TSPAN5: variants seen among roughly 807,000 people sequenced by gnomAD.
TSPAN5 encodes the protein tetraspanin-5.
Under a neutral mutation model 37.1 loss-of-function variants are expected in TSPAN5, and 10 were observed. The ratio of observed to expected loss-of-function variants is 0.27; its 90% CI spans 0.17 to 0.46. The LOEUF (loss-of-function observed/expected upper bound fraction) is 0.46, where lower values mean the gene tolerates loss of function less well. TSPAN5 is among the 20% of genes least tolerant of loss of function. TSPAN5 has a pLI of 1.00. For synonymous variants in TSPAN5, 110 were observed against 118.9 expected (o/e 0.93, Z 0.48); for missense variants, 195 against 326.6 (o/e 0.60, Z 3.11).
intron 1 of TSPAN5, among the ~76,000 whole-genome samples, chr4:98,641,179 T>A (rs1756956628): frequency 6.6e-6 from 1 of 152,126 alleles, no homozygotes; most frequent in Non-Finnish European, 1.5e-5. Flanking sequence ...TCTCCTACTA[T>A]CTGGAGCTCA....
At chr4:98,510,820 C>T (rs1263746904) in intron 1 of TSPAN5, among the ~76,000 whole-genome samples, 1 of 152,242 alleles carries the variant, frequency 6.6e-6, no homozygotes, top group Non-Finnish European at 1.5e-5. Flanking sequence ...TGGGCCTCAA[C>T]TTGATACATA....
intron 2 of TSPAN5, among the ~76,000 whole-genome samples, chr4:98,501,587 G>A (rs184528279): frequency 3.7e-3 from 568 of 152,332 alleles, no homozygotes; most frequent in Non-Finnish European, 5.3e-3. Flanking sequence ...CCAGGAAGTA[G>A]AAGATAGCAC....
chr4:98,569,569 A>G lies in TSPAN5; in HGVS notation c.82-61841T>C, dbSNP rs558949124. On this transcript the variant is annotated intron_variant, in intron 1 of 7. Transcript: ENST00000305798. The stretch of plus-strand genomic sequence containing the variant: ...AGCTAGCTCACAGGCTACAGACATA[A>G]GGTGACCAACAGTGTAAACTAGAGT... Among the ~76,000 whole-genome samples, 23 of 152,326 alleles carry G rather than the reference A, an allele frequency of 1.5e-4. No individual in the cohort carries two copies. The South Asian group carries it at 2.3e-3, about 15-fold the overall frequency.
At chr4:98,558,579 G>A (rs1251709514) in intron 1 of TSPAN5, among the ~76,000 whole-genome samples, 2 of 152,210 alleles carry the variant, frequency 1.3e-5, no homozygotes, top group Non-Finnish European at 2.9e-5. Flanking sequence ...GGCTGCTTTT[G>A]AGGCTCTTGA....
At chr4:98,520,934 G>A (rs1258330424) in intron 1 of TSPAN5, among the ~76,000 whole-genome samples, 1 of 150,952 alleles carries the variant, frequency 6.6e-6, no homozygotes, top group African/African-American at 2.4e-5. Context: ...ACACTTTTTT[G>A]GGGGGCAGGG....
At chr4:98,626,006 C>T (rs1756591038) in intron 1 of TSPAN5, among the ~76,000 whole-genome samples, 1 of 152,148 alleles carries the variant, frequency 6.6e-6, no homozygotes, top group Non-Finnish European at 1.5e-5. Flanking sequence ...TTTCCATAAA[C>T]CAATTATTCA....
intron 1 of TSPAN5, among the ~76,000 whole-genome samples, chr4:98,598,466 G>GT (rs369060559): frequency 0.061 from 9,038 of 148,046 alleles, 545 homozygotes; most frequent in South Asian, 0.15. Flanking sequence ...CCTCCCTCCT[G>GT]TTTTTTTTTT....
chr4:98,519,764 T>C (rs1753812625), intron 1 of TSPAN5, among the ~76,000 whole-genome samples: 1 of 152,208 alleles, frequency 6.6e-6, no homozygotes, highest in South Asian at 2.1e-4. Flanking sequence ...ATTCTGACTC[T>C]TGCACAAGGA....
At chr4:98,573,005 G>A (rs1755161050) in intron 1 of TSPAN5, among the ~76,000 whole-genome samples, 1 of 152,096 alleles carries the variant, frequency 6.6e-6, no homozygotes, top group African/African-American at 2.4e-5. Flanking sequence ...TTTCATCAAG[G>A]GCTGAACAAA....
intron 1 of TSPAN5, among the ~76,000 whole-genome samples, chr4:98,556,037 A>C (rs764788001): frequency 0.037 from 2,295 of 62,490 alleles, 61 homozygotes; most frequent in South Asian, 0.041. Flanking sequence ...CACACACAGC[A>C]CCCCCACACA....
rs762884063 is a variant in TSPAN5, at chr4:98,482,143, C to T, written c.312G>A (p.Leu104=). Reference sequence around the variant, plus strand: ...ATGCTAGAACTCCGGCAGTGAGCTCCAGGAAGAAAATAATTCCCAGGAACA... The same window carrying T: ...ATGCTAGAACTCCGGCAGTGAGCTCTAGGAAGAAAATAATTCCCAGGAACA... The part of the protein sequence containing the change: ...FSVFLGIIFF[L]ELTAGVLAFV... The change falls in exon 4 of 8, where the codon CTG becomes CTA. Residue 104 remains leucine (L), a synonymous_variant. Transcript: ENST00000305798. The T allele has an allele frequency of 5.6e-6, 9 of 1,613,882 alleles. No homozygotes were observed. The Admixed American group carries it at 1.2e-4, about 21-fold the overall frequency.
intron 1 of TSPAN5, among the ~76,000 whole-genome samples, chr4:98,530,254 A>T (rs1387095221): frequency 1.3e-5 from 2 of 152,254 alleles, no homozygotes; most frequent in Non-Finnish European, 2.9e-5. Context: ...AGAGATGCTC[A>T]GGGATGAAAT....
rs75942899 is a variant in TSPAN5, at chr4:98,610,167, G to A, written c.81+47979C>T. On this transcript the variant is annotated intron_variant, in intron 1 of 7. Transcript: ENST00000305798. ...TACGAAGGCTAGGAAACACAATACCGAGGAGCTGGCATTTGCAAAGGGCCT... is the reference window on the plus strand; with the variant it reads ...TACGAAGGCTAGGAAACACAATACCAAGGAGCTGGCATTTGCAAAGGGCCT... Among the ~76,000 whole-genome samples the A allele has an allele frequency of 7.9e-3, 1,197 of 152,242 alleles. 14 individuals carry two copies. Among genetic ancestry groups the A allele is most frequent in the African/African-American group, 0.027 (1,138 of 41,528 alleles).
At chr4:98,576,871 T>A (rs1422788671) in intron 1 of TSPAN5, among the ~76,000 whole-genome samples, 1 of 152,218 alleles carries the variant, frequency 6.6e-6, no homozygotes. Flanking sequence ...GTGATTCTCC[T>A]GCCTCAGCCT....
chr4:98,567,161 C>T (rs1534555), intron 1 of TSPAN5, among the ~76,000 whole-genome samples: 112,603 of 152,162 alleles, frequency 0.74, 41,957 homozygotes, highest in South Asian at 0.86. Context: ...TGGATCTTCT[C>T]GTAACCTGTT....
intron 1 of TSPAN5, among the ~76,000 whole-genome samples, chr4:98,592,629 T>A (rs1413119501): frequency 7.5e-6 from 1 of 133,074 alleles, no homozygotes; most frequent in Non-Finnish European, 1.6e-5. Flanking sequence ...ATATTCCCCT[T>A]CCTGTGTCCA....
At chr4:98,621,389 A>G (rs1191116146) in intron 1 of TSPAN5, among the ~76,000 whole-genome samples, 1 of 132,558 alleles carries the variant, frequency 7.5e-6, no homozygotes, top group Admixed American at 7.9e-5. Context: ...TTTTTTTGAG[A>G]CAGAGTCTCG....
intron 1 of TSPAN5, among the ~76,000 whole-genome samples, chr4:98,550,339 T>C (rs1754583054): frequency 6.6e-6 from 1 of 152,212 alleles, no homozygotes; most frequent in African/African-American, 2.4e-5. Context: ...TTTTTTCTTT[T>C]TGCTTAGGAT....
At chr4:98,634,722 AG>A (rs1275372701) in intron 1 of TSPAN5, among the ~76,000 whole-genome samples, 3 of 152,264 alleles carry the variant, frequency 2.0e-5, no homozygotes, top group African/African-American at 7.2e-5. Context: ...GAAGGATCTG[AG>A]AAACGATAGC....
Sources: allele counts gnomAD v4.1 joint callset (sites outside exome capture counted in the v4.1 genomes callset), GRCh38; gene constraint gnomAD v4.1.1; transcripts MANE v1.5; gene names NCBI Gene and HGNC (gene_info 2026-07-23, HGNC 2026-07-21).